Variants in PLCB2 observed in about 807,000 individuals in gnomAD.
The protein encoded by PLCB2 is phospholipase C beta 2.
In PLCB2, 115 loss-of-function variants were observed where a neutral mutation model predicts 141.7. That is an observed-to-expected ratio of 0.81 (90% CI 0.70 to 0.95). The LOEUF (loss-of-function observed/expected upper bound fraction) is 0.95. PLCB2 is among the 40% of genes least tolerant of loss of function. The pLI is 0.00. For synonymous variants in PLCB2, 603 were observed against 595.6 expected, an observed-to-expected ratio of 1.01 and a Z score of -0.18; for missense variants, 1,403 against 1,541.1, an observed-to-expected ratio of 0.91 and a Z score of 1.50.
intron 1 of PLCB2, among the ~76,000 whole-genome samples, chr15:40,306,112 T>A (rs2040782768): frequency 6.6e-6 from 1 of 152,174 alleles, no homozygotes; most frequent in South Asian, 2.1e-4. Context: ...CCAAATATAT[T>A]GTAAAGAGGC....
Position 40,302,321 on chromosome 15 carries a change from A to C in PLCB2, c.401T>G (p.Val134Gly), listed in dbSNP as rs1566889458. 6.2e-7 allele frequency: 1 copy of C among 1,614,014 alleles called. No individual in the cohort carries two copies. The highest frequency in any genetic ancestry group is 2.2e-5 in the East Asian group (1 of 44,870). Residue 134 changes from valine to glycine, a missense_variant, in exon 5 of 32, where the codon GTC becomes GGC. Val to Gly is a moderately radical substitution (Grantham distance 109). Around this residue, in one of 4 missense-constraint regions of PLCB2, gnomAD observed 975 missense variants for 1,141.1 expected, o/e 0.85. Transcript: ENST00000260402. ...KAWAEDVLAL[V>G]KHPLTANASR... ...GGCGTTGGCCGTCAGCGGATGTTTG[A>C]CTAGGGCCAGTACGTCCTCAGCCCA...
At chr15:40,301,722 C>G in intron 7 of PLCB2, 1 of 706,406 alleles carries the variant, frequency 1.4e-6, no homozygotes, top group Non-Finnish European at 2.6e-6. Context: ...GCCCCCACCA[C>G]CCAGGGTAGG....
At chr15:40,296,946 C>T (rs1420709071) in intron 13 of PLCB2, 38 bp from the exon 14 acceptor site, 2 of 1,608,642 alleles carry the variant, frequency 1.2e-6, no homozygotes, top group Non-Finnish European at 8.5e-7. Flanking sequence ...ATCTTCTCAC[C>T]TTCATGGCAT....
chr15:40,291,011 C>A lies in PLCB2; in HGVS notation c.3036+7G>T. On this transcript the variant is annotated splice_region_variant and intron_variant, in intron 27 of 31. Transcript: ENST00000260402. The stretch of plus-strand genomic sequence containing the variant: ...GGTGGGGTTGTCGCCCTGCCCCTCC[C>A]GGCCACCTCGGCCACGTGCTGCTCC... 1 of 1,589,812 alleles carries A rather than the reference C, an allele frequency of 6.3e-7. No homozygotes were observed.
chr15:40,289,946 AGAGAG>A, intron 30 of PLCB2, 74 bp downstream of exon 30: 1 of 221,526 alleles, frequency 4.5e-6, no homozygotes, highest in Non-Finnish European at 9.2e-6. Flanking sequence ...AGAGAGAGAG[AGAGAG>A]AGAGAGAGAG....
rs1342883216 is a variant in PLCB2, at chr15:40,294,936, C to T, written c.1906G>A (p.Asp636Asn). 6.2e-7 allele frequency: 1 copy of T among 1,614,068 alleles called. No homozygotes were observed. The highest frequency in any genetic ancestry group is 2.2e-5 in the East Asian group (1 of 44,870). ...QMVALNFQTM[D>N]LPMQQNMAVF... The stretch of plus-strand genomic sequence containing the variant: ...CTTAGGGGCCTGGGAATGCCCTCAC[C>T]CATCGTCTGGAAGTTGAGGGCAACC... The change falls in exon 18 of 32, where the codon GAC (aspartate) becomes AAC (asparagine). Residue 636 changes from aspartate to asparagine, a missense_variant and splice_region_variant. Transcript: ENST00000260402.
chr15:40,288,691 AAATGTCCC>A lies in PLCB2; in HGVS notation c.*16_*23del. The A allele has an allele frequency of 2.6e-6, 4 of 1,549,842 alleles. No individual in the cohort carries two copies. The South Asian group carries it at 4.8e-5, about 19-fold the overall frequency. On this transcript the variant is annotated 3_prime_UTR_variant, in exon 32 of 32. Transcript: ENST00000260402. Reference sequence around the variant, plus strand: ...AGAGAAGGGGCTGAACCTCCTTGCTAAATGTCCCAGTGGGATGGGGGCATCAGAGGCGG... The same window carrying A: ...AGAGAAGGGGCTGAACCTCCTTGCTAAGTGGGATGGGGGCATCAGAGGCGG...
rs1363730857 is a variant in PLCB2 at position 40,293,005 on chromosome 15, G to A, written c.2247C>T (p.Ala749=). The A allele has an allele frequency of 1.9e-6, 3 of 1,602,254 alleles. No homozygotes were observed. Among genetic ancestry groups the A allele is most frequent in the Non-Finnish European group, 2.6e-6 (3 of 1,173,678 alleles). The change falls in exon 21 of 32, where the codon GCC becomes GCT. Residue 749 remains alanine, a synonymous_variant. Transcript: ENST00000260402. ...CCTCCATCACAGCCACTCTGAGGGA[G>A]GCCAGCTCAGGCATCAAGATCTGGG... is the stretch of plus-strand genomic sequence containing the variant. ...VFEKILMPEL[A]SLRVAVMEEG...
rs750615057 is a variant in PLCB2 at position 40,299,172 on chromosome 15, C to T, written c.639G>A (p.Met213Ile). The T allele has an allele frequency of 1.3e-5, 21 of 1,613,914 alleles. No individual in the cohort carries two copies. The highest frequency in any genetic ancestry group is 2.7e-5 in the African/African-American group (2 of 74,924). Residue 213 changes from methionine to isoleucine, a missense_variant, in exon 8 of 32, where the codon ATG becomes ATA. By Grantham distance (10) the Met-to-Ile change is conservative (BLOSUM62 1). This residue lies in a region of PLCB2 where 975 missense variants were observed against 1,141.1 expected (regional missense o/e 0.85). Coordinates refer to ENST00000260402, the MANE Select transcript of PLCB2 (RefSeq NM_004573.3). ...FPEPVYKSFL[M>I]SLCPRPEIDE... ...CTATTTCTGGCCGAGGACAGAGGCTCATGAGGAAACTCTTGTAGACAGGTT... is the reference window on the plus strand; with the variant it reads ...CTATTTCTGGCCGAGGACAGAGGCTTATGAGGAAACTCTTGTAGACAGGTT...
At chr15:40,286,225 G>C (rs554077267), downstream of PLCB2, among the ~76,000 whole-genome samples, 1 of 152,050 alleles carries the variant, frequency 6.6e-6, no homozygotes. Flanking sequence ...AGGCAGGCAC[G>C]TCATACTCAC....
At chr15:40,284,327 G>C, downstream of PLCB2, 1 of 334,186 alleles carries the variant, frequency 3.0e-6, no homozygotes, top group South Asian at 2.2e-5. Flanking sequence ...GTAAGAGAGA[G>C]ACAGAATCTC....
At chr15:40,290,529 A>G in intron 29 of PLCB2, 48 bp downstream of exon 29, 1 of 1,360,062 alleles carries the variant, frequency 7.4e-7, no homozygotes, top group African/African-American at 1.4e-5. Flanking sequence ...GCCCCTTTCC[A>G]CCTGAAGTGG....
chr15:40,292,300 C>T, intron 22 of PLCB2, 39 bp downstream of exon 22: 1 of 1,541,266 alleles, frequency 6.5e-7, no homozygotes, highest in Non-Finnish European at 9.0e-7. Flanking sequence ...GAAGGGGGAA[C>T]AGACACCCCG....
chr15:40,299,195 G>C lies in PLCB2; in HGVS notation c.616C>G (p.Pro206Ala). ...CTCATGAGGAAACTCTTGTAGACAG[G>C]TTCTGGGAAGTCCTCAGGATTGATG... ...DAINPEDFPE[P>A]VYKSFLMSLC... The change falls in exon 8 of 32, where the codon CCT (proline) becomes GCT (alanine). Residue 206 changes from proline (P) to alanine (A), a missense_variant. Pro to Ala is a conservative substitution (Grantham distance 27). Coordinates refer to ENST00000260402, the MANE Select transcript of PLCB2 (RefSeq NM_004573.3). The C allele has an allele frequency of 6.2e-7, 1 of 1,613,794 alleles. No individual in the cohort carries two copies. Among genetic ancestry groups the C allele is most frequent in the Non-Finnish European group, 8.5e-7 (1 of 1,179,658 alleles).
chr15:40,290,551 C>A, intron 29 of PLCB2, 26 bp downstream of exon 29: 1 of 1,565,766 alleles, frequency 6.4e-7, no homozygotes, highest in Non-Finnish European at 8.8e-7. Context: ...GTCTGCCCAG[C>A]CCTGGGCCTC....
Position 40,290,095 on chromosome 15 carries a change from T to C in PLCB2, c.3210-13A>G, listed in dbSNP as rs1437767793. The stretch of plus-strand genomic sequence containing the variant: ...CTCTCTCTTCAACCTGTTGGTGTAA[T>C]TGGAGTTTTAGAAAAGGGAGAAAAC... On this transcript the variant is annotated splice_polypyrimidine_tract_variant and intron_variant, in intron 29 of 31. Coordinates refer to ENST00000260402, the MANE Select transcript of PLCB2 (RefSeq NM_004573.3). 5 of 1,590,426 alleles carry C rather than the reference T, an allele frequency of 3.1e-6. No individual in the cohort carries two copies. Among genetic ancestry groups the C allele is most frequent in the East Asian group, 2.2e-5 (1 of 44,748 alleles).
chr15:40,296,584 C>G lies in PLCB2; in HGVS notation c.1537G>C (p.Glu513Gln). The G allele has an allele frequency of 6.2e-7, 1 of 1,613,440 alleles. No individual in the cohort carries two copies. The highest frequency in any genetic ancestry group is 8.5e-7 in the Non-Finnish European group (1 of 1,179,608). Residue 513 changes from glutamate (E) to glutamine (Q), a missense_variant, in exon 15 of 32, where the codon GAA becomes CAA. Transcript: ENST00000260402. ...TELEEEEVEE[E>Q]EEEESGNLDE... ...AGGTTTCCTGACTCCTCCTCCTCTT[C>G]CTCTTCCACCTCCTCCTCCTCCAGC...
rs1314401978 is a variant in PLCB2 at position 40,301,989 on chromosome 15, C to T, written c.550G>A (p.Ala184Thr). The part of the protein sequence containing the change: ...FPADRKRVEA[A>T]LSACHLPKGK... ...TTGGGGAGGTGGCAGGCACTGAGAG[C>T]AGCTTCCACCCGCTTGCGGTCAGCA... Residue 184 changes from alanine to threonine, a missense_variant, in exon 7 of 32, where the codon GCT becomes ACT. Ala to Thr is a moderately conservative substitution (Grantham distance 58, BLOSUM62 0). Around this residue, in one of 4 missense-constraint regions of PLCB2, gnomAD observed 975 missense variants for 1,141.1 expected, o/e 0.85. Transcript: ENST00000260402. 6.2e-7 allele frequency: 1 copy of T among 1,613,978 alleles called. No individual in the cohort carries two copies. The highest frequency in any genetic ancestry group is 1.3e-5 in the African/African-American group (1 of 74,918).
rs1404196508 is a variant in PLCB2, at chr15:40,302,666, GGC to G, written c.232-59_232-58del. Reference sequence around the variant, plus strand: ...GGTGTGCTCCCTCCCTGCCCAGTGTGGCTCTCTCTGGCCCTCCCCTCAGCCAC... The same window carrying G: ...GGTGTGCTCCCTCCCTGCCCAGTGTGTCTCTCTGGCCCTCCCCTCAGCCAC... On this transcript the variant is annotated intron_variant, in intron 3 of 31. Transcript: ENST00000260402. 14 of 1,589,262 alleles carry G rather than the reference GGC, an allele frequency of 8.8e-6. No homozygotes were observed. In the Admixed American group the frequency reaches 2.4e-4, roughly 27 times the overall value.
Sources: gnomAD v4.1 joint callset for allele counts (sites outside exome capture counted in the v4.1 genomes callset) on GRCh38, gnomAD v4.1.1 for gene constraint, gnomAD v4.1.1 regional missense constraint, MANE v1.5 for transcripts, NCBI Gene and HGNC (gene_info 2026-07-23, HGNC 2026-07-21) for gene names.